The following LOC128125822 variants were observed in gnomAD, a reference collection of about 807,000 sequenced individuals.
At chr6:63,576,562 A>G in the LOC128125822 span, 1 of 445,874 alleles carries the variant, frequency 2.2e-6, no homozygotes, top group East Asian at 3.4e-5. Flanking sequence ...CTCCACCAAG[A>G]AGCCCCCATA....
At chr6:63,574,920 A>G in the LOC128125822 span, among the ~76,000 whole-genome samples, 1 of 152,210 alleles carries the variant, frequency 6.6e-6, no homozygotes, top group African/African-American at 2.4e-5. Flanking sequence ...CAGCTGACCA[A>G]CTAGGTGAAG....
At chr6:63,579,804 G>T in the LOC128125822 span, among the ~76,000 whole-genome samples, 1 of 152,110 alleles carries the variant, frequency 6.6e-6, no homozygotes, top group Non-Finnish European at 1.5e-5. Context: ...TCTTTTCGTG[G>T]ACTTACGTGT....
the LOC128125822 span, chr6:63,579,248 C>T: frequency 1.9e-6 from 3 of 1,596,858 alleles, no homozygotes; most frequent in Admixed American, 1.8e-5. Flanking sequence ...AAAATTCTTA[C>T]CTCACCAGAG....
At chr6:63,572,834 G>A in the LOC128125822 span, 2 of 395,426 alleles carry the variant, frequency 5.1e-6, no homozygotes, top group East Asian at 7.2e-5. Context: ...CCGGGTTGCG[G>A]TTCCGGTGGG....
the LOC128125822 span, chr6:63,579,303 T>A: frequency 1.2e-6 from 2 of 1,610,602 alleles, no homozygotes; most frequent in Admixed American, 3.4e-5. Context: ...TGGAATGAAA[T>A]ACGAAGATGC....
chr6:63,577,844 ATATAT>A, the LOC128125822 span, among the ~76,000 whole-genome samples: 1 of 149,548 alleles, frequency 6.7e-6, no homozygotes, highest in Non-Finnish European at 1.5e-5. Flanking sequence ...TTTTATTACT[ATATAT>A]TATATATACA....
At chr6:63,579,681 T>A in the LOC128125822 span, among the ~76,000 whole-genome samples, 12 of 152,210 alleles carry the variant, frequency 7.9e-5, no homozygotes, top group Non-Finnish European at 1.8e-4. Flanking sequence ...AAATTAACCA[T>A]CCAATACAAC....
At chr6:63,579,809 A>G in the LOC128125822 span, among the ~76,000 whole-genome samples, 1 of 152,200 alleles carries the variant, frequency 6.6e-6, no homozygotes, top group Non-Finnish European at 1.5e-5. Flanking sequence ...TCGTGGACTT[A>G]CGTGTAAATG....
the LOC128125822 span, chr6:63,580,176 A>T: frequency 6.2e-7 from 1 of 1,600,774 alleles, no homozygotes; most frequent in Admixed American, 1.7e-5. Context: ...ATTCAATAAA[A>T]TTGGGGTGCC....
chr6:63,578,376 A>C, the LOC128125822 span: 1 of 1,526,992 alleles, frequency 6.5e-7, no homozygotes, highest in Non-Finnish European at 8.8e-7. Flanking sequence ...CAGAATATAA[A>C]ATGTTGAGTT....
chr6:63,579,368 TC>T, the LOC128125822 span: 1 of 1,490,374 alleles, frequency 6.7e-7, no homozygotes, highest in Non-Finnish European at 9.2e-7. Context: ...GTACTCTCTT[TC>T]ATTTCCTTGT....
At chr6:63,579,168 A>G in the LOC128125822 span, 1 of 1,426,288 alleles carries the variant, frequency 7.0e-7, no homozygotes, top group Non-Finnish European at 9.6e-7. Context: ...GTGGTAGATA[A>G]TACTTCTGAG....
the LOC128125822 span, chr6:63,578,773 A>G: frequency 2.6e-6 from 3 of 1,165,702 alleles, no homozygotes; most frequent in Non-Finnish European, 3.4e-6. Flanking sequence ...AACAGGGTTT[A>G]ATAAGATTTG....
chr6:63,578,572 C>T, the LOC128125822 span: 1 of 1,573,422 alleles, frequency 6.4e-7, no homozygotes, highest in Non-Finnish European at 8.6e-7. Context: ...TGCTGTGCTA[C>T]AAAAGTTTAT....
At chr6:63,577,081 T>G in the LOC128125822 span, 1 of 866,954 alleles carries the variant, frequency 1.2e-6, no homozygotes, top group Non-Finnish European at 1.8e-6. Context: ...AAAAATGAGA[T>G]GATATACCTA....
the LOC128125822 span, among the ~76,000 whole-genome samples, chr6:63,576,205 T>G: frequency 7.3e-5 from 11 of 151,722 alleles, no homozygotes; most frequent in Non-Finnish European, 1.6e-4. Context: ...CTGAGGAATC[T>G]TGGTAATAGA....
chr6:63,580,033 A>AT, the LOC128125822 span: 55,586 of 1,357,500 alleles, frequency 0.041, no homozygotes, highest in Middle Eastern at 0.051. Flanking sequence ...GCCTTGTTTC[A>AT]TTTTTTTTTT....
chr6:63,578,249 TTTATA>T, the LOC128125822 span, among the ~76,000 whole-genome samples: 1 of 152,228 alleles, frequency 6.6e-6, no homozygotes, highest in Non-Finnish European at 1.5e-5. Flanking sequence ...CACTTTTCTT[TTTATA>T]TTCTAGCATT....
chr6:63,577,104 C>T, the LOC128125822 span: 1 of 736,890 alleles, frequency 1.4e-6, no homozygotes, highest in South Asian at 1.9e-5. Context: ...ATTCCAGTTC[C>T]CAGAAATAAA....
Sources: gnomAD v4.1 joint callset for allele counts (sites outside exome capture counted in the v4.1 genomes callset) on GRCh38, gnomAD v4.1.1 for gene constraint, MANE v1.5 for transcripts.